Variants in SCHIP1 observed in about 807,000 individuals in gnomAD.
SCHIP1 encodes the protein schwannomin-interacting protein 1.
SCHIP1 carries 8 observed loss-of-function variants against 29.7 expected under a neutral mutation model. The ratio of observed to expected loss-of-function variants is 0.27; its 90% confidence interval spans 0.16 to 0.49. SCHIP1 has a LOEUF of 0.49. SCHIP1 is among the 20% of genes least tolerant of loss of function. SCHIP1 has a pLI of 0.99. For synonymous variants in SCHIP1, 76 were observed against 94.9 expected (o/e 0.80, Z 1.16); for missense variants, 193 against 294.6 (o/e 0.66, Z 2.52).
At chr3:159,488,418 G>A in the SCHIP1 span, among the ~76,000 whole-genome samples, 8 of 152,012 alleles carry the variant, frequency 5.3e-5, no homozygotes, top group East Asian at 1.9e-4. Flanking sequence ...ACTTTGTATC[G>A]CTGTATCAAA....
chr3:159,834,467 C>G, the SCHIP1 span, among the ~76,000 whole-genome samples: 1 of 152,184 alleles, frequency 6.6e-6, no homozygotes, highest in Non-Finnish European at 1.5e-5. Context: ...AGGGCAGAAA[C>G]ACTACTTCAC....
the SCHIP1 span, among the ~76,000 whole-genome samples, chr3:159,627,134 G>A: frequency 2.0e-5 from 3 of 152,048 alleles, no homozygotes; most frequent in Non-Finnish European, 4.4e-5. Context: ...GCACTGTTTG[G>A]TTTTCTGTTC....
chr3:159,392,993 A>ATGAT, the SCHIP1 span, among the ~76,000 whole-genome samples: 3 of 152,220 alleles, frequency 2.0e-5, no homozygotes, highest in African/African-American at 4.8e-5. Context: ...TGACTTTTTA[A>ATGAT]TGATTGCCAT....
At chr3:159,457,315 T>C in the SCHIP1 span, among the ~76,000 whole-genome samples, 1 of 152,164 alleles carries the variant, frequency 6.6e-6, no homozygotes, top group South Asian at 2.1e-4. Context: ...TAAAGTGATA[T>C]CCTGGTGTAG....
the SCHIP1 span, among the ~76,000 whole-genome samples, chr3:159,393,839 A>C: frequency 6.6e-6 from 1 of 152,170 alleles, no homozygotes; most frequent in Non-Finnish European, 1.5e-5. Flanking sequence ...AGTTTTTGCC[A>C]ATTCCATGAA....
chr3:159,572,101 G>T, the SCHIP1 span, among the ~76,000 whole-genome samples: 21 of 152,082 alleles, frequency 1.4e-4, no homozygotes, highest in African/African-American at 5.1e-4. Flanking sequence ...TTTTTTGAAG[G>T]GTTTTTTTAT....
the SCHIP1 span, among the ~76,000 whole-genome samples, chr3:159,678,505 A>T: frequency 1.3e-5 from 2 of 152,270 alleles, no homozygotes; most frequent in Non-Finnish European, 2.9e-5. Flanking sequence ...ACTTATTAAC[A>T]TTGATAAAAT....
the SCHIP1 span, among the ~76,000 whole-genome samples, chr3:159,790,279 T>G: frequency 6.6e-6 from 1 of 152,248 alleles, no homozygotes; most frequent in Non-Finnish European, 1.5e-5. Context: ...GGATATAACT[T>G]ATACTGTTTT....
chr3:159,811,974 G>GT, the SCHIP1 span, among the ~76,000 whole-genome samples: 32,368 of 137,794 alleles, frequency 0.23, 3,608 homozygotes, highest in Middle Eastern at 0.32. Context: ...TTTTGTTTTT[G>GT]TTTTTGTTTT....
At chr3:159,284,622 G>A in the SCHIP1 span, among the ~76,000 whole-genome samples, 1 of 152,014 alleles carries the variant, frequency 6.6e-6, no homozygotes, top group Non-Finnish European at 1.5e-5. Flanking sequence ...CTGAGTAGCT[G>A]GGATTACAGG....
At chr3:159,574,494 A>T in the SCHIP1 span, among the ~76,000 whole-genome samples, 1 of 152,172 alleles carries the variant, frequency 6.6e-6, no homozygotes, top group Non-Finnish European at 1.5e-5. Flanking sequence ...TTCGTCCCAG[A>T]GGGGGAACTG....
intron 1 of SCHIP1, among the ~76,000 whole-genome samples, chr3:159,842,963 A>G (rs1306307281): frequency 1.8e-4 from 26 of 144,684 alleles, no homozygotes; most frequent in African/African-American, 6.3e-4. Flanking sequence ...TGTAATCTGT[A>G]AACTTCCAGC....
chr3:159,574,204 G>C, the SCHIP1 span, among the ~76,000 whole-genome samples: 1 of 152,208 alleles, frequency 6.6e-6, no homozygotes, highest in Non-Finnish European at 1.5e-5. Context: ...CTGGTTTTTA[G>C]AATTTTCAGC....
the SCHIP1 span, among the ~76,000 whole-genome samples, chr3:159,543,289 ATGCTGGTG>A: frequency 3.3e-5 from 5 of 150,200 alleles, no homozygotes; most frequent in Non-Finnish European, 5.9e-5. Flanking sequence ...TACATGTGCC[ATGCTGGTG>A]TGCTGCACCC....
chr3:159,636,470 T>C, the SCHIP1 span, among the ~76,000 whole-genome samples: 16 of 152,216 alleles, frequency 1.1e-4, no homozygotes, highest in African/African-American at 3.6e-4. Flanking sequence ...AATCCATAAA[T>C]TGTAAGGAAG....
At chr3:159,454,087 T>G in the SCHIP1 span, among the ~76,000 whole-genome samples, 3 of 152,226 alleles carry the variant, frequency 2.0e-5, no homozygotes, top group Admixed American at 2.0e-4. Context: ...TGATTTTGTT[T>G]CATTTCATTC....
the SCHIP1 span, among the ~76,000 whole-genome samples, chr3:159,304,959 C>A: frequency 6.6e-6 from 1 of 152,178 alleles, no homozygotes; most frequent in Non-Finnish European, 1.5e-5. Flanking sequence ...CTCTCAAACC[C>A]CGATCCCTCC....
chr3:159,569,658 A>T, the SCHIP1 span, among the ~76,000 whole-genome samples: 2 of 152,168 alleles, frequency 1.3e-5, no homozygotes, highest in Admixed American at 1.3e-4. Context: ...TGGTAGCATG[A>T]TTTATAATCC....
chr3:159,307,255 T>G, the SCHIP1 span, among the ~76,000 whole-genome samples: 1 of 152,204 alleles, frequency 6.6e-6, no homozygotes, highest in South Asian at 2.1e-4. Flanking sequence ...GGGTTTAGAT[T>G]TGGACCTGGA....
Sources: gnomAD v4.1 joint callset for allele counts (sites outside exome capture counted in the v4.1 genomes callset) on GRCh38, gnomAD v4.1.1 for gene constraint, MANE v1.5 for transcripts, NCBI Gene and HGNC (gene_info 2026-07-23, HGNC 2026-07-21) for gene names.